Variants in NF1 observed in about 807,000 individuals in gnomAD.
NF1 encodes neurofibromin.
Under a neutral mutation model 325.7 loss-of-function variants are expected in NF1, and 122 were observed. The observed-to-expected ratio is 0.37, with a 90% confidence interval of 0.32 to 0.44. NF1 has a LOEUF of 0.44. NF1 is among the 20% of genes least tolerant of loss of function. The pLI is 1.00. For missense variants in NF1, 2,140 were observed against 3,415.4 expected, an observed-to-expected ratio of 0.63 and a Z score of 9.31; for synonymous variants, 1,091 against 1,186.0, an observed-to-expected ratio of 0.92 and a Z score of 1.65.
chr17:31,217,421 C>A (rs2066838447), intron 13 of NF1, among the ~76,000 whole-genome samples: 1 of 151,746 alleles, frequency 6.6e-6, no homozygotes, highest in Admixed American at 6.6e-5. Context: ...AAGTGATTCT[C>A]CTGCCTCAGC....
At chr17:31,201,309 T>TA in intron 10 of NF1, 102 bp from the exon 11 acceptor site, 1 of 1,467,360 alleles carries the variant, frequency 6.8e-7, no homozygotes, top group Non-Finnish European at 9.4e-7. Context: ...AACTTAGTGT[T>TA]TTTTTTTTAA....
At chr17:31,141,400 G>T (rs1043005434) in intron 1 of NF1, among the ~76,000 whole-genome samples, 5 of 151,642 alleles carry the variant, frequency 3.3e-5, no homozygotes, top group Non-Finnish European at 7.4e-5. Context: ...ATTAATAAAA[G>T]AAATATTCTT....
chr17:31,200,198 C>T (rs1410201079), intron 8 of NF1, among the ~76,000 whole-genome samples: 5 of 148,966 alleles, frequency 3.4e-5, no homozygotes, highest in African/African-American at 1.2e-4. Flanking sequence ...TTTTTGTATT[C>T]CTTTAATAAT....
rs767410768 is a variant in NF1, at chr17:31,206,242, C to T, written c.1263C>T (p.Ser421=). Residue 421 remains serine (S), a splice_region_variant and synonymous_variant, in exon 12 of 58, where the codon TCC becomes TCT. Coordinates refer to ENST00000358273, the MANE Select transcript of NF1 (RefSeq NM_001042492.3). ...TATTGGTCTTTGTTTTTCTCTAGTCCGCATTGGATTGGTGGCCTAAGATTG... is the reference window on the plus strand; with the variant it reads ...TATTGGTCTTTGTTTTTCTCTAGTCTGCATTGGATTGGTGGCCTAAGATTG... ...VNSLHRIITN[S]ALDWWPKIDA... 1.1e-5 allele frequency: 18 copies of T among 1,613,404 alleles called. No homozygotes were observed. Among genetic ancestry groups the T allele is most frequent in the South Asian group, 6.6e-5 (6 of 91,062 alleles).
chr17:31,280,691 C>T (rs1008923099), intron 36 of NF1, among the ~76,000 whole-genome samples: 2 of 151,892 alleles, frequency 1.3e-5, no homozygotes, highest in African/African-American at 4.8e-5. Context: ...GGTATTTTAC[C>T]CCGGTGTAAG....
chr17:31,126,828 C>T (rs1306671948), intron 1 of NF1, among the ~76,000 whole-genome samples: 1 of 152,060 alleles, frequency 6.6e-6, no homozygotes, highest in Admixed American at 6.6e-5. Flanking sequence ...AATTCTTGAT[C>T]TTACTGCAGC....
At chr17:31,306,399 T>C (rs761733927) in intron 36 of NF1, among the ~76,000 whole-genome samples, 1 of 152,196 alleles carries the variant, frequency 6.6e-6, no homozygotes, top group East Asian at 1.9e-4. Flanking sequence ...TTTATATATA[T>C]AGATAGATAG....
At chr17:31,267,365 TA>T (rs1403943943) in intron 36 of NF1, among the ~76,000 whole-genome samples, 1 of 152,182 alleles carries the variant, frequency 6.6e-6, no homozygotes, top group Non-Finnish European at 1.5e-5. Flanking sequence ...GTGTAAGGAG[TA>T]AATTTGAGAT....
At chr17:31,255,747 A>C (rs748600634) in intron 31 of NF1, among the ~76,000 whole-genome samples, 6 of 152,184 alleles carry the variant, frequency 3.9e-5, no homozygotes, top group Non-Finnish European at 8.8e-5. Flanking sequence ...CACATTTTAA[A>C]ACTTCTTTGT....
At chr17:31,150,743 A>T (rs1191264898) in intron 1 of NF1, among the ~76,000 whole-genome samples, 4 of 152,118 alleles carry the variant, frequency 2.6e-5, no homozygotes, top group African/African-American at 9.7e-5. Context: ...AAACACAGTG[A>T]TGCTCCGGCT....
intron 1 of NF1, among the ~76,000 whole-genome samples, chr17:31,097,885 CG>C (rs1169187016): frequency 1.3e-5 from 2 of 151,736 alleles, no homozygotes; most frequent in African/African-American, 2.4e-5. Flanking sequence ...TTAGTAGAGA[CG>C]GGGGTTTCAC....
At chr17:31,285,367 C>T (rs1374920275) in intron 36 of NF1, among the ~76,000 whole-genome samples, 1 of 151,654 alleles carries the variant, frequency 6.6e-6, no homozygotes, top group Non-Finnish European at 1.5e-5. Context: ...AGAAGAGTCA[C>T]CTTTGGAGGT....
At chr17:31,230,740 C>T in intron 23 of NF1, 102 bp from the exon 24 acceptor site, 1 of 920,400 alleles carries the variant, frequency 1.1e-6, no homozygotes, top group Non-Finnish European at 1.7e-6. Flanking sequence ...CTTAGGTTAT[C>T]TGGCAAATTA....
chr17:31,296,589 T>TC (rs1236188768), intron 36 of NF1: 5 of 476,808 alleles, frequency 1.0e-5, no homozygotes, highest in Admixed American at 6.6e-5. Context: ...ATTTTCTCTC[T>TC]CCCTCCCCCC....
chr17:31,147,711 G>A (rs531141367), intron 1 of NF1, among the ~76,000 whole-genome samples: 167 of 152,214 alleles, frequency 1.1e-3, no homozygotes, highest in Middle Eastern at 3.4e-3. Context: ...AGCCTTCGAG[G>A]GCTTATCACT....
intron 12 of NF1, 129 bp from the exon 13 acceptor site, chr17:31,214,322 A>T (rs2066782332): frequency 1.5e-6 from 1 of 666,422 alleles, no homozygotes. Context: ...GTTTCTACTA[A>T]TACCACACAT....
intron 36 of NF1, among the ~76,000 whole-genome samples, chr17:31,307,221 C>A (rs141282392): frequency 6.6e-6 from 1 of 151,692 alleles, no homozygotes. Context: ...GGGGTTTCAC[C>A]GTGTTGGCCA....
chr17:31,352,348 C>T lies in NF1; in HGVS notation c.7549C>T (p.Arg2517Ter), dbSNP rs866445127. Reference protein sequence around the residue: ...TYPTVGQTSPRARKSMSLDMG... With the variant: ...TYPTVGQTSP ...TCCAACTGTCGGCCAGACCAGTCCCCGAGCCAGGAAATCCATGAGCCTGGA... is the reference window on the plus strand; with the variant it reads ...TCCAACTGTCGGCCAGACCAGTCCCTGAGCCAGGAAATCCATGAGCCTGGA... Residue 2517 changes from arginine (R) to a stop codon, truncating the protein, a stop_gained, in exon 51 of 58, where the codon CGA becomes TGA. Coordinates refer to ENST00000358273, the MANE Select transcript of NF1 (RefSeq NM_001042492.3). LOFTEE classifies it high-confidence loss of function. 5 of 1,614,068 alleles carry T rather than the reference C, an allele frequency of 3.1e-6. No homozygotes were observed. Among genetic ancestry groups the T allele is most frequent in the African/African-American group, 1.3e-5 (1 of 75,010 alleles).
rs33925668 is a variant in NF1, at chr17:31,336,607, TA to T, written c.6148-17del. 8.7e-5 allele frequency: 126 copies of T among 1,456,634 alleles called. No homozygotes were observed. Among genetic ancestry groups the T allele is most frequent in the African/African-American group, 3.5e-4 (24 of 68,416 alleles). 90.2% of individuals were successfully genotyped at this position (1,456,634 alleles called of 1,614,324 possible). On this transcript the variant is annotated intron_variant, in intron 41 of 57. Transcript: ENST00000358273. This position sits in a 1 kb window ranked among gnomAD's most constrained non-coding sequence, Gnocchi z 5.5. ...ACTTTGAGTCCCATGTTTTTTTTTT[TA>T]AAAAAAAAAATCCTGCTTCTTTACA...
Sources: gnomAD v4.1 joint callset for allele counts (sites outside exome capture counted in the v4.1 genomes callset) on GRCh38, gnomAD v4.1.1 for gene constraint, Gnocchi (gnomAD v3.1) non-coding constraint, MANE v1.5 for transcripts, NCBI Gene and HGNC (gene_info 2026-07-23, HGNC 2026-07-21) for gene names.